Variants in CCSER1 observed in about 807,000 individuals in gnomAD.
The protein encoded by CCSER1 is serine-rich coiled-coil domain-containing protein 1.
Under a neutral mutation model 82.0 loss-of-function variants are expected in CCSER1, and 41 were observed. That is an observed-to-expected ratio of 0.50 (90% confidence interval 0.39 to 0.65). CCSER1 has a LOEUF of 0.65. Ranked by LOEUF, CCSER1 falls within the 30% of genes least tolerant of loss-of-function variation. CCSER1 has a pLI of 0.00. For synonymous variants in CCSER1, 414 were observed against 383.9 expected (o/e 1.08, Z -0.92); for missense variants, 1,119 against 1,064.2 (o/e 1.05, Z -0.72).
intron 5 of CCSER1, among the ~76,000 whole-genome samples, chr4:90,548,270 A>C (rs138002236): frequency 6.6e-6 from 1 of 152,036 alleles, no homozygotes; most frequent in Non-Finnish European, 1.5e-5. Flanking sequence ...CACTTGCTCC[A>C]CTCCAGGTTC....
intron 8 of CCSER1, among the ~76,000 whole-genome samples, chr4:90,883,231 A>G (rs908534615): frequency 6.6e-6 from 1 of 152,122 alleles, no homozygotes; most frequent in Non-Finnish European, 1.5e-5. Flanking sequence ...AGTAAACTAA[A>G]GATAACAACT....
chr4:90,816,866 A>G (rs1461954088), intron 8 of CCSER1, among the ~76,000 whole-genome samples: 1 of 152,072 alleles, frequency 6.6e-6, no homozygotes, highest in African/African-American at 2.4e-5. Flanking sequence ...TAGTTTATAG[A>G]CTCTTCACAA....
At chr4:91,163,941 T>C (rs1731739029) in intron 10 of CCSER1, among the ~76,000 whole-genome samples, 1 of 152,192 alleles carries the variant, frequency 6.6e-6, no homozygotes, top group Admixed American at 6.5e-5. Flanking sequence ...TTAAGGTTAA[T>C]ATTGTTATGT....
chr4:90,794,725 A>T (rs1755751457), intron 7 of CCSER1, among the ~76,000 whole-genome samples: 1 of 152,176 alleles, frequency 6.6e-6, no homozygotes. Context: ...GTAGATTAAT[A>T]GGAATAGCAT....
chr4:90,585,116 A>G (rs1419815969), intron 5 of CCSER1, among the ~76,000 whole-genome samples: 1 of 152,220 alleles, frequency 6.6e-6, no homozygotes, highest in Non-Finnish European at 1.5e-5. Context: ...ACCAATAAAC[A>G]CATGAAAGAT....
chr4:90,835,660 A>C (rs991746847), intron 8 of CCSER1, among the ~76,000 whole-genome samples: 2 of 152,106 alleles, frequency 1.3e-5, no homozygotes, highest in African/African-American at 4.8e-5. Flanking sequence ...GATAACATCT[A>C]ATGCTTTGTT....
intron 5 of CCSER1, among the ~76,000 whole-genome samples, chr4:90,555,030 G>T (rs1022762011): frequency 1.3e-5 from 2 of 152,016 alleles, no homozygotes; most frequent in African/African-American, 4.8e-5. Context: ...GATGTGAGCT[G>T]CCAACTTAAC....
intron 8 of CCSER1, among the ~76,000 whole-genome samples, chr4:90,876,189 T>C (rs992297902): frequency 1.3e-5 from 2 of 152,070 alleles, no homozygotes; most frequent in African/African-American, 4.8e-5. Context: ...AAGCTGTCTT[T>C]TCACTCATCC....
At chr4:91,238,600 G>A (rs1175166862) in intron 10 of CCSER1, among the ~76,000 whole-genome samples, 1 of 152,002 alleles carries the variant, frequency 6.6e-6, no homozygotes, top group Non-Finnish European at 1.5e-5. Flanking sequence ...TAGTGTCTTT[G>A]TTTATCTGTG....
intron 9 of CCSER1, among the ~76,000 whole-genome samples, chr4:90,992,427 C>T (rs1178574694): frequency 1.3e-5 from 2 of 151,824 alleles, no homozygotes; most frequent in Non-Finnish European, 2.9e-5. Context: ...AGCCTATTGC[C>T]AAGTAATGAT....
rs1165203299 is a variant in CCSER1 at position 90,308,876 on chromosome 4, A to G, written c.592A>G (p.Ser198Gly). The G allele has an allele frequency of 1.2e-6, 2 of 1,613,924 alleles. No individual in the cohort carries two copies. Among genetic ancestry groups the G allele is most frequent in the Non-Finnish European group, 1.7e-6 (2 of 1,179,850 alleles). Reference sequence around the variant, plus strand: ...TAAATTTTCTAAGCCAGTTCTACAGAGCCAATCCATTTCATTGGTACAACA... The same window carrying G: ...TAAATTTTCTAAGCCAGTTCTACAGGGCCAATCCATTTCATTGGTACAACA... The part of the protein sequence containing the change: ...HYKFSKPVLQ[S>G]QSISLVQQSE... The change falls in exon 2 of 11, where the codon AGC becomes GGC. Residue 198 changes from serine (S) to glycine (G), a missense_variant. Ser to Gly is a moderately conservative substitution (Grantham distance 56). Coordinates refer to ENST00000509176, the MANE Select transcript of CCSER1 (RefSeq NM_001145065.2).
chr4:91,401,229 G>T (rs1226768143), intron 10 of CCSER1, among the ~76,000 whole-genome samples: 5 of 149,792 alleles, frequency 3.3e-5, no homozygotes, highest in Non-Finnish European at 5.9e-5. Context: ...GTTTAATATG[G>T]TGAATTATAT....
intron 6 of CCSER1, among the ~76,000 whole-genome samples, chr4:90,686,691 A>G (rs1259580547): frequency 6.6e-6 from 1 of 152,142 alleles, no homozygotes; most frequent in Non-Finnish European, 1.5e-5. Flanking sequence ...AATGTTCTGA[A>G]AATTTTCTGT....
At position 90,365,500 on chromosome 4, in the gene CCSER1, TA is replaced by T. The variant is rs1578130336; in HGVS notation, c.1510-34533del. On this transcript the variant is annotated intron_variant, in intron 3 of 10. Transcript: ENST00000509176. Reference sequence around the variant, plus strand: ...AATTTAAGGAATTCGTGATAATTTTTAAACAATTGTATGTACATAGGATGAT... The same window carrying T: ...AATTTAAGGAATTCGTGATAATTTTTAACAATTGTATGTACATAGGATGAT... 2.0e-5 allele frequency among the ~76,000 whole-genome samples: 3 copies of T among 152,006 alleles called. No homozygotes were observed. The East Asian group carries it at 5.8e-4, about 29-fold the overall frequency.
intron 10 of CCSER1, among the ~76,000 whole-genome samples, chr4:91,454,271 G>A (rs994427953): frequency 2.0e-5 from 3 of 152,020 alleles, no homozygotes; most frequent in African/African-American, 7.2e-5. Flanking sequence ...GCCCTACAAA[G>A]GCTCTGAGGA....
intron 1 of CCSER1, among the ~76,000 whole-genome samples, chr4:90,162,458 A>G (rs1729632741): frequency 6.6e-6 from 1 of 152,136 alleles, no homozygotes; most frequent in African/African-American, 2.4e-5. Context: ...AATTAGTCTT[A>G]ATGCTTGTAC....
intron 10 of CCSER1, among the ~76,000 whole-genome samples, chr4:91,116,323 C>T (rs1269911851): frequency 2.0e-5 from 3 of 152,140 alleles, no homozygotes; most frequent in African/African-American, 4.8e-5. Context: ...GAGAAACCAC[C>T]ATGGAAAATC....
intron 7 of CCSER1, among the ~76,000 whole-genome samples, chr4:90,769,533 T>C (rs1301471606): frequency 2.0e-5 from 3 of 152,294 alleles, no homozygotes; most frequent in East Asian, 3.9e-4. Flanking sequence ...GACTTCAGAA[T>C]TGTTATAGGC....
chr4:90,957,228 A>C (rs1733547176), intron 9 of CCSER1, among the ~76,000 whole-genome samples: 1 of 121,076 alleles, frequency 8.3e-6, no homozygotes, highest in Admixed American at 1.0e-4. Flanking sequence ...CAGCCTCCCG[A>C]CTACCTGGGA....
Sources: allele counts gnomAD v4.1 joint callset (sites outside exome capture counted in the v4.1 genomes callset), GRCh38; gene constraint gnomAD v4.1.1; transcripts MANE v1.5; gene names NCBI Gene and HGNC (gene_info 2026-07-23, HGNC 2026-07-21).